RAD54B: variants seen among roughly 807,000 people sequenced by gnomAD.
RAD54B encodes RAD54 homolog B, also known as DNA repair and recombination protein RAD54B.
In RAD54B, 78 loss-of-function variants were observed where a neutral mutation model predicts 95.8. The ratio of observed to expected loss-of-function variants is 0.81; its 90% confidence interval spans 0.68 to 0.98. The LOEUF (loss-of-function observed/expected upper bound fraction) is 0.98, where lower values mean the gene tolerates loss of function less well. Ranked by LOEUF, RAD54B falls within the 50% of genes least tolerant of loss-of-function variation. The pLI is 0.00. For synonymous variants in RAD54B, 328 were observed against 354.9 expected, an observed-to-expected ratio of 0.92 and a Z score of 0.85; for missense variants, 957 against 1,056.6, an observed-to-expected ratio of 0.91 and a Z score of 1.31.
rs1814108460 is a variant in RAD54B, at chr8:94,458,497, AT to A, written c.136-62del. 1.2e-5 allele frequency: 15 copies of A among 1,259,080 alleles called. No homozygotes were observed. The South Asian group carries it at 2.2e-4, about 19-fold the overall frequency. 78.0% of individuals were successfully genotyped at this position (1,259,080 alleles called of 1,614,324 possible). A position where few individuals can be genotyped will look rare whatever the true frequency, so the allele number is the denominator to read the frequency against. ...AAACCTAATTTTCTGTATTTTCTGT[AT>A]TTTTACATAAAAGATTCTAATTTAA... On this transcript the variant is annotated intron_variant, in intron 2 of 14. Coordinates refer to ENST00000336148, the MANE Select transcript of RAD54B (RefSeq NM_012415.3).
At chr8:94,397,917 T>C (rs1811185411) in intron 8 of RAD54B, among the ~76,000 whole-genome samples, 1 of 152,008 alleles carries the variant, frequency 6.6e-6, no homozygotes, top group African/African-American at 2.4e-5. Context: ...CTGGCTCCAG[T>C]GATCTCAAGA....
At chr8:94,459,130 T>C (rs1305816366) in intron 2 of RAD54B, among the ~76,000 whole-genome samples, 1 of 152,070 alleles carries the variant, frequency 6.6e-6, no homozygotes, top group Non-Finnish European at 1.5e-5. Context: ...AATCTCACTA[T>C]GTTGGGTTTT....
chr8:94,387,036 G>A lies in RAD54B; in HGVS notation c.1933C>T (p.Gln645Ter), dbSNP rs775301215. Residue 645 changes from glutamine (Q) to a stop codon, truncating the protein, a stop_gained, in exon 11 of 15, where the codon CAG becomes TAG. Transcript: ENST00000336148. LOFTEE classifies it high-confidence loss of function. ...LFTEKESGKL[Q>*]VLSKLLAVIH... Reference sequence around the variant, plus strand: ...ACCGCTAAGAGCTTGGACAACACCTGTAGTTTTCCTGACTCCTTTTCAGTA... The same window carrying A: ...ACCGCTAAGAGCTTGGACAACACCTATAGTTTTCCTGACTCCTTTTCAGTA... 1.7e-5 allele frequency: 27 copies of A among 1,612,366 alleles called. No individual in the cohort carries two copies. The highest frequency in any genetic ancestry group is 2.1e-5 in the Non-Finnish European group (25 of 1,179,510).
chr8:94,392,993 T>C (rs1811058684), intron 9 of RAD54B, among the ~76,000 whole-genome samples: 1 of 151,492 alleles, frequency 6.6e-6, no homozygotes, highest in African/African-American at 2.4e-5. Flanking sequence ...CCAGCTAATT[T>C]TTGTATTTTT....
chr8:94,377,480 G>A (rs577381166), intron 14 of RAD54B, among the ~76,000 whole-genome samples: 1 of 139,674 alleles, frequency 7.2e-6, no homozygotes, highest in African/African-American at 2.7e-5. Context: ...AGGTTGCAGT[G>A]AGCCATGATT....
At chr8:94,379,309 G>T (rs1810676731) in intron 12 of RAD54B, among the ~76,000 whole-genome samples, 1 of 152,258 alleles carries the variant, frequency 6.6e-6, no homozygotes, top group African/African-American at 2.4e-5. Flanking sequence ...AGTCATGCAG[G>T]TGTTCCATGA....
chr8:94,432,797 A>C, intron 3 of RAD54B: 1 of 1,111,060 alleles, frequency 9.0e-7, no homozygotes, highest in Non-Finnish European at 1.2e-6. Flanking sequence ...AATCTTAAAC[A>C]CTTGAAATAC....
At chr8:94,456,038 C>A (rs1216239551) in intron 3 of RAD54B, among the ~76,000 whole-genome samples, 2 of 152,102 alleles carry the variant, frequency 1.3e-5, no homozygotes, top group Non-Finnish European at 2.9e-5. Flanking sequence ...TTTTTGAAAG[C>A]CCAGGGTCAA....
intron 3 of RAD54B, among the ~76,000 whole-genome samples, chr8:94,451,216 G>A (rs1442932326): frequency 6.6e-6 from 1 of 152,108 alleles, no homozygotes; most frequent in East Asian, 1.9e-4. Context: ...TGTGCCGGAA[G>A]CACAAAAACG....
rs1010782006 is a variant in RAD54B at position 94,423,039 on chromosome 8, A to G, written c.305-11724T>C. On this transcript the variant is annotated intron_variant, in intron 3 of 14. Transcript: ENST00000336148. ...TTTTCATTAAGAGTTGCTTTAGAAT[A>G]TAACTCTGTCCTCATTTCCATTATT... Among the ~76,000 whole-genome samples, 3 of 152,124 alleles carry G rather than the reference A, an allele frequency of 2.0e-5. No individual in the cohort carries two copies. The East Asian group carries it at 5.8e-4, about 29-fold the overall frequency.
At position 94,386,189 on chromosome 8, in the gene RAD54B, G is replaced by A. The variant is rs150018549; in HGVS notation, c.1985+795C>T. Among the ~76,000 whole-genome samples, 66 of 152,270 alleles carry A rather than the reference G, an allele frequency of 4.3e-4. No homozygotes were observed. In the East Asian group the frequency reaches 0.011, roughly 26 times the overall value. ...ACAAAAATCTTGGTACCAGAAAAAT[G>A]AGGATGGATTCTTGAAATTAAAAAA... On this transcript the variant is annotated intron_variant, in intron 11 of 14. Transcript: ENST00000336148.
At chr8:94,460,177 G>A (rs932282164) in intron 2 of RAD54B, among the ~76,000 whole-genome samples, 2 of 137,296 alleles carry the variant, frequency 1.5e-5, no homozygotes, top group African/African-American at 5.6e-5. Context: ...AAGATGAAAC[G>A]AGATCAGTCA....
chr8:94,373,705 C>T (rs1810495508), intron 14 of RAD54B, among the ~76,000 whole-genome samples: 1 of 152,190 alleles, frequency 6.6e-6, no homozygotes, highest in Non-Finnish European at 1.5e-5. Flanking sequence ...AGCAATTAGA[C>T]TGCCCTGACT....
At chr8:94,451,857 C>T (rs2930969) in intron 3 of RAD54B, among the ~76,000 whole-genome samples, 85,415 of 151,694 alleles carry the variant, frequency 0.56, 26,090 homozygotes, top group East Asian at 0.82. Context: ...TATCCTGGTC[C>T]AGCAGGAAAA....
chr8:94,372,523 A>C, intron 14 of RAD54B, 136 bp from the exon 15 acceptor site: 1 of 1,421,628 alleles, frequency 7.0e-7, no homozygotes, highest in Non-Finnish European at 9.3e-7. Context: ...AAACAAATTC[A>C]TTCTTTTTAC....
At chr8:94,394,719 T>C (rs1454627857) in intron 8 of RAD54B, among the ~76,000 whole-genome samples, 4 of 152,120 alleles carry the variant, frequency 2.6e-5, no homozygotes, top group African/African-American at 4.8e-5. Context: ...CAAAAGAACA[T>C]ATAAATCAGC....
intron 6 of RAD54B, 123 bp downstream of exon 6, chr8:94,403,954 C>CTATTCCTA: frequency 1.3e-6 from 1 of 786,474 alleles, no homozygotes; most frequent in Non-Finnish European, 1.9e-6. Context: ...ACCTTTCCTA[C>CTATTCCTA]CAATTGAAAT....
intron 3 of RAD54B, among the ~76,000 whole-genome samples, chr8:94,450,185 T>C (rs1812620985): frequency 6.6e-6 from 1 of 152,228 alleles, no homozygotes; most frequent in Non-Finnish European, 1.5e-5. Context: ...ATCTGATTCC[T>C]TGCAGTTATG....
chr8:94,427,881 G>A, intron 3 of RAD54B: 2 of 952,916 alleles, frequency 2.1e-6, no homozygotes, highest in Non-Finnish European at 2.5e-6. Context: ...AAAACTCATA[G>A]TTTAAACATT....
Sources: gnomAD v4.1 joint callset for allele counts (sites outside exome capture counted in the v4.1 genomes callset) on GRCh38, gnomAD v4.1.1 for gene constraint, MANE v1.5 for transcripts, NCBI Gene and HGNC (gene_info 2026-07-23, HGNC 2026-07-21) for gene names.